The following CSMD2 variants were observed in gnomAD, a reference collection of about 807,000 sequenced individuals.
CSMD2 encodes CUB and sushi domain-containing protein 2.
In CSMD2, 130 loss-of-function variants were observed where a neutral mutation model predicts 398.5. The observed-to-expected ratio is 0.33, with a 90% CI of 0.28 to 0.38. The LOEUF (loss-of-function observed/expected upper bound fraction) is 0.38, where lower values mean the gene tolerates loss of function less well. Among genes scored for constraint, CSMD2 ranks in the 10% least tolerant of loss-of-function variants. CSMD2 has a pLI of 1.00. For missense variants in CSMD2, 3,829 were observed against 4,764.9 expected (o/e 0.80, Z 5.78); for synonymous variants, 1,828 against 1,908.5 (o/e 0.96, Z 1.10).
chr1:33,662,781 A>G, intron 26 of CSMD2, 109 bp downstream of exon 26: 1 of 1,013,506 alleles, frequency 9.9e-7, no homozygotes, highest in African/African-American at 1.6e-5. Flanking sequence ...CAGATGTTCA[A>G]TAACTATCTT....
intron 45 of CSMD2, 100 bp downstream of exon 45, chr1:33,586,988 A>AGCAG (rs1290282505): frequency 6.4e-5 from 53 of 829,736 alleles, no homozygotes; most frequent in Middle Eastern, 3.3e-4. Flanking sequence ...CACAGACAGG[A>AGCAG]GCAGGGGATA....
chr1:33,675,660 G>C (rs1644683880), intron 25 of CSMD2, among the ~76,000 whole-genome samples: 1 of 152,120 alleles, frequency 6.6e-6, no homozygotes, highest in South Asian at 2.1e-4. Context: ...AACAAAAAAA[G>C]AGAATTTTAG....
rs1452487482 is a variant in CSMD2, at chr1:33,983,072, G to C, written c.518-47118C>G. On this transcript the variant is annotated intron_variant, in intron 3 of 70. Transcript: ENST00000373381. ...GTCTACAGATGGGCTGTTACAGGAA[G>C]AGCCTGATTGCCAGAGCCTCCCATT... 3.3e-5 allele frequency among the ~76,000 whole-genome samples: 5 copies of C among 152,156 alleles called. No homozygotes were observed. In the East Asian group the frequency reaches 7.7e-4, roughly 23 times the overall value.
At chr1:33,762,734 G>GAT (rs3078785) in intron 13 of CSMD2, among the ~76,000 whole-genome samples, 50,123 of 151,846 alleles carry the variant, frequency 0.33, 9,234 homozygotes, top group African/African-American at 0.5. Context: ...CCACATCTAT[G>GAT]TGCAATAATT....
chr1:33,610,579 C>T (rs979462137), intron 41 of CSMD2, among the ~76,000 whole-genome samples: 4 of 152,188 alleles, frequency 2.6e-5, no homozygotes, highest in East Asian at 1.9e-4. Flanking sequence ...GGAAAACCTG[C>T]TCCTTGTGCA....
chr1:33,850,009 C>T (rs1638586788), intron 5 of CSMD2, among the ~76,000 whole-genome samples: 1 of 151,984 alleles, frequency 6.6e-6, no homozygotes, highest in South Asian at 2.1e-4. Context: ...CCTTTATGCC[C>T]CAGCCACAGA....
At chr1:33,605,593 T>C (rs1315721821) in intron 41 of CSMD2, 123 bp from the exon 42 acceptor site, 1 of 1,003,342 alleles carries the variant, frequency 1.0e-6, no homozygotes, top group Non-Finnish European at 1.5e-6. Context: ...GTACAAGTCA[T>C]TGGCTTTGGG....
At chr1:33,975,402 T>A (rs1234217602) in intron 3 of CSMD2, among the ~76,000 whole-genome samples, 1 of 151,948 alleles carries the variant, frequency 6.6e-6, no homozygotes. Context: ...ATCAGGGACA[T>A]AATACACGGT....
chr1:33,526,777 G>A (rs536199333), intron 65 of CSMD2, among the ~76,000 whole-genome samples: 2 of 152,306 alleles, frequency 1.3e-5, no homozygotes, highest in South Asian at 4.1e-4. Context: ...TATTGGTCAG[G>A]CCACATCTGC....
intron 1 of CSMD2, among the ~76,000 whole-genome samples, chr1:34,093,162 C>T (rs1236405168): frequency 1.2e-4 from 19 of 152,242 alleles, no homozygotes; most frequent in African/African-American, 4.3e-4. Flanking sequence ...ACACCTCACA[C>T]TGCAGGGTAC....
intron 66 of CSMD2, among the ~76,000 whole-genome samples, chr1:33,523,781 G>C (rs1420401301): frequency 2.0e-5 from 3 of 152,210 alleles, no homozygotes; most frequent in African/African-American, 7.2e-5. Context: ...GGGCATGGGA[G>C]CATGTGAACA....
At chr1:33,688,812 C>T (rs1030607977) in intron 25 of CSMD2, among the ~76,000 whole-genome samples, 2 of 152,046 alleles carry the variant, frequency 1.3e-5, no homozygotes, top group African/African-American at 4.8e-5. Flanking sequence ...CAAGACTGTC[C>T]AACCCTCCTC....
intron 2 of CSMD2, among the ~76,000 whole-genome samples, chr1:34,050,090 A>C (rs1429823060): frequency 2.0e-5 from 3 of 152,202 alleles, no homozygotes; most frequent in Non-Finnish European, 4.4e-5. Context: ...ACAGTTAGAA[A>C]ATAAATTTCT....
At chr1:33,955,917 G>A (rs868867379) in intron 3 of CSMD2, among the ~76,000 whole-genome samples, 4 of 152,056 alleles carry the variant, frequency 2.6e-5, no homozygotes, top group African/African-American at 9.7e-5. Context: ...TCCTATGGTG[G>A]CCACACCAGT....
chr1:33,673,391 C>T (rs538925696), intron 25 of CSMD2, among the ~76,000 whole-genome samples: 674 of 151,990 alleles, frequency 4.4e-3, no homozygotes, highest in South Asian at 8.3e-3. Flanking sequence ...TGAAATGAAG[C>T]GAGAAGAGAA....
intron 2 of CSMD2, among the ~76,000 whole-genome samples, chr1:34,036,688 G>T (rs985452201): frequency 2.0e-5 from 3 of 152,150 alleles, no homozygotes; most frequent in Non-Finnish European, 2.9e-5. Context: ...GGTTTTGAGA[G>T]TGTGCTATAG....
intron 28 of CSMD2, among the ~76,000 whole-genome samples, chr1:33,651,510 G>A (rs1029158910): frequency 6.6e-6 from 1 of 152,220 alleles, no homozygotes; most frequent in African/African-American, 2.4e-5. Flanking sequence ...TAAGAGGAGA[G>A]TGGAGACAGG....
chr1:34,061,523 A>G (rs528951472), intron 2 of CSMD2, among the ~76,000 whole-genome samples: 78 of 144,412 alleles, frequency 5.4e-4, no homozygotes, highest in South Asian at 2.1e-3. Context: ...TCAGGGGCTC[A>G]ACTACCTGAC....
intron 9 of CSMD2, chr1:33,813,132 CT>C (rs1248383189): frequency 2.6e-5 from 4 of 152,310 alleles, no homozygotes; most frequent in African/African-American, 9.6e-5. Context: ...ATCAATTTAT[CT>C]TGTACTTGTT....
Sources: allele counts gnomAD v4.1 joint callset (sites outside exome capture counted in the v4.1 genomes callset), GRCh38; gene constraint gnomAD v4.1.1; transcripts MANE v1.5; gene names NCBI Gene and HGNC (gene_info 2026-07-23, HGNC 2026-07-21).